Variants in SON observed in about 807,000 individuals in gnomAD.
The protein encoded by SON is SON DNA and RNA binding protein, also known as protein SON.
SON carries 4 observed loss-of-function variants against 173.3 expected under a neutral mutation model. That is an observed-to-expected ratio of 0.02 (90% CI 0.01 to 0.05). The LOEUF (loss-of-function observed/expected upper bound fraction) is 0.05, where lower values mean the gene tolerates loss of function less well. SON is among the 10% of genes least tolerant of loss of function. The pLI is 1.00. For synonymous variants in SON, 1,190 were observed against 1,105.9 expected (o/e 1.08, Z -1.51); for missense variants, 2,626 against 3,055.3 (o/e 0.86, Z 3.31).
intron 6 of SON, chr21:33,560,581 AATATAT>A (rs147980607): frequency 9.5e-6 from 8 of 837,894 alleles, no homozygotes; most frequent in Non-Finnish European, 1.1e-5. Context: ...TATATATGTA[AATATAT>A]ATATATATCT....
At position 33,572,061 on chromosome 21, in the gene SON, T is replaced by A. The variant is rs1417025397; in HGVS notation, c.6886-1247T>A. ...CAGTTTTACTACTGCATACAAACATTTCTTTTTTACATTCAGTATTAACTT... is the reference window on the plus strand; with the variant it reads ...CAGTTTTACTACTGCATACAAACATATCTTTTTTACATTCAGTATTAACTT... On this transcript the variant is annotated intron_variant, in intron 8 of 11. Coordinates refer to ENST00000356577, the MANE Select transcript of SON (RefSeq NM_138927.4). 2.0e-5 allele frequency among the ~76,000 whole-genome samples: 3 copies of A among 152,022 alleles called. No homozygotes were observed. In the East Asian group the frequency reaches 5.8e-4, roughly 29 times the overall value.
In SON at chr21:33,575,294, C is replaced by T. The variant is rs548477851; in HGVS notation, c.7034-302C>T. On this transcript the variant is annotated intron_variant, in intron 9 of 11. Transcript: ENST00000356577. ...CAGGAGATCCACCCGCCTCGGCCTC[C>T]CAAAGTGCTGGGATTACAGGCATGA... Among the ~76,000 whole-genome samples the T allele has an allele frequency of 4.7e-4, 71 of 152,240 alleles. 1 individual carries two copies. Among genetic ancestry groups the T allele is most frequent in the African/African-American group, 1.7e-3 (71 of 41,552 alleles).
chr21:33,557,741 T>C (rs1410739544), intron 4 of SON: 11 of 1,412,028 alleles, frequency 7.8e-6, no homozygotes, highest in Non-Finnish European at 8.3e-6. Context: ...AGCTTGGAAA[T>C]TAATAAGAAT....
intron 7 of SON, among the ~76,000 whole-genome samples, 166 bp from the exon 8 acceptor site, chr21:33,568,802 ATGT>A (rs1439504787): frequency 5.3e-5 from 8 of 152,378 alleles, no homozygotes; most frequent in South Asian, 2.1e-4. Flanking sequence ...GATTCACTAA[ATGT>A]TGTCAAACTG....
rs2085780854 is a variant in SON at position 33,551,400 on chromosome 21, C to A, written c.2169C>A (p.Thr723=). Residue 723 remains threonine (T), a synonymous_variant, in exon 3 of 12, where the codon ACC becomes ACA. Transcript: ENST00000356577. Reference sequence around the variant, plus strand: ...TATTAGCTTCTAACACCATGGAGACCCATATATTAGCATCCAACACCATGG... The same window carrying A: ...TATTAGCTTCTAACACCATGGAGACACATATATTAGCATCCAACACCATGG... ...SHILASNTME[T]HILASNTMDS... 6.2e-7 allele frequency: 1 copy of A among 1,613,972 alleles called. No homozygotes were observed. Among genetic ancestry groups the A allele is most frequent in the African/African-American group, 1.3e-5 (1 of 74,864 alleles).
chr21:33,556,276 T>A (rs145845366), intron 3 of SON, among the ~76,000 whole-genome samples: 1 of 152,312 alleles, frequency 6.6e-6, no homozygotes, highest in African/African-American at 2.4e-5. Flanking sequence ...GTAAAATGCA[T>A]ATATGTCTCT....
In SON at chr21:33,557,244, T is replaced by C; in HGVS notation, c.6249T>C (p.Pro2083=). 6.2e-7 allele frequency: 1 copy of C among 1,613,708 alleles called. No individual in the cohort carries two copies. The highest frequency in any genetic ancestry group is 1.1e-5 in the South Asian group (1 of 91,058). ...TCCCTTTACCACCAAACCTAAAGCC[T>C]GCACCTCCACCTACTATAGAAGAGA... is the stretch of plus-strand genomic sequence containing the variant. ...AGVPLPPNLK[P]APPPTIEEKV... Residue 2083 remains proline (P), a synonymous_variant, in exon 4 of 12, where the codon CCT becomes CCC. Transcript: ENST00000356577.
At chr21:33,567,807 G>A (rs2086203296) in intron 7 of SON, among the ~76,000 whole-genome samples, 1 of 152,152 alleles carries the variant, frequency 6.6e-6, no homozygotes, top group South Asian at 2.1e-4. Flanking sequence ...CAGCTACTCA[G>A]GAGGCTGAGG....
intron 6 of SON, among the ~76,000 whole-genome samples, chr21:33,563,814 T>G (rs2086114272): frequency 6.6e-6 from 1 of 152,216 alleles, no homozygotes; most frequent in African/African-American, 2.4e-5. Context: ...GTAATTTCAT[T>G]ATGCCTCAGA....
chr21:33,554,311 G>T lies in SON; in HGVS notation c.5080G>T (p.Ala1694Ser), dbSNP rs1266070318. 3 of 1,614,146 alleles carry T rather than the reference G, an allele frequency of 1.9e-6. No individual in the cohort carries two copies. The highest frequency in any genetic ancestry group is 1.1e-5 in the South Asian group (1 of 91,084). The part of the protein sequence containing the change: ...PVKESDQTLA[A>S]LLSPKESSGG... ...AAAAGAGAGTGACCAGACATTAGCA[G>T]CTCTGCTCAGCCCTAAAGAAAGTAG... Residue 1694 changes from alanine to serine, a missense_variant, in exon 3 of 12, where the codon GCT becomes TCT. Ala to Ser is a moderately conservative substitution (Grantham distance 99). Around this residue, in one of 13 missense-constraint regions of SON, gnomAD observed 1,006 missense variants for 895.6 expected, o/e 1.12. Coordinates refer to ENST00000356577, the MANE Select transcript of SON (RefSeq NM_138927.4).
At chr21:33,563,180 A>AT (rs1406845531) in intron 6 of SON, among the ~76,000 whole-genome samples, 1 of 152,116 alleles carries the variant, frequency 6.6e-6, no homozygotes, top group Non-Finnish European at 1.5e-5. Context: ...TCCTTCCTAG[A>AT]TTCTCTTATG....
chr21:33,572,666 T>G (rs778022834), intron 8 of SON: 70 of 1,090,230 alleles, frequency 6.4e-5, no homozygotes, highest in Non-Finnish European at 1.8e-5. Flanking sequence ...TAAAAGTCTT[T>G]TAACATCAAG....
chr21:33,557,838 G>A, intron 4 of SON: 2 of 539,806 alleles, frequency 3.7e-6, no homozygotes, highest in South Asian at 2.9e-5. Context: ...ATAATGGCCG[G>A]CCATTATCAG....
intron 1 of SON, among the ~76,000 whole-genome samples, chr21:33,545,403 A>T (rs142911969): frequency 1.2e-3 from 189 of 152,294 alleles, no homozygotes; most frequent in African/African-American, 4.4e-3. Context: ...AGCATAATTG[A>T]TGTGTTTTCA....
Position 33,550,447 on chromosome 21 carries a change from C to A in SON, c.1216C>A (p.Pro406Thr). The A allele has an allele frequency of 1.9e-6, 3 of 1,613,780 alleles. No individual in the cohort carries two copies. Among genetic ancestry groups the A allele is most frequent in the Non-Finnish European group, 8.5e-7 (1 of 1,179,902 alleles). Reference sequence around the variant, plus strand: ...CCCTGTGACTCCAGTGCTGGAGTTACCTGGGCCCTCTGCTACCCCGGTGCC... The same window carrying A: ...CCCTGTGACTCCAGTGCTGGAGTTAACTGGGCCCTCTGCTACCCCGGTGCC... The part of the protein sequence containing the change: ...GPPVTPVLEL[P>T]GPSATPVPEL... The change falls in exon 3 of 12, where the codon CCT becomes ACT. Residue 406 changes from proline (P) to threonine (T), a missense_variant. Physicochemically the swap from Pro to Thr is conservative, Grantham distance 38. This residue lies in a region of SON where 757 missense variants were observed against 730.1 expected (regional missense o/e 1.04). Coordinates refer to ENST00000356577, the MANE Select transcript of SON (RefSeq NM_138927.4).
At chr21:33,545,735 CTT>C (rs2085599200) in intron 1 of SON, among the ~76,000 whole-genome samples, 1 of 152,184 alleles carries the variant, frequency 6.6e-6, no homozygotes, top group Non-Finnish European at 1.5e-5. Context: ...ACAGGTTACC[CTT>C]TTTATTCAGT....
chr21:33,574,168 T>TG (rs1343017483), intron 9 of SON, among the ~76,000 whole-genome samples: 9 of 152,210 alleles, frequency 5.9e-5, no homozygotes, highest in Admixed American at 6.5e-5. Context: ...TGGAATAATG[T>TG]AAGTGGAATC....
At chr21:33,558,545 T>C (rs1380539965) in intron 4 of SON, 1 of 152,254 alleles carries the variant, frequency 6.6e-6, no homozygotes, top group African/African-American at 2.4e-5. Context: ...ATTAAGGACC[T>C]TGTAAACGCT....
chr21:33,564,381 G>A (rs746922447), intron 6 of SON, among the ~76,000 whole-genome samples: 9 of 152,116 alleles, frequency 5.9e-5, no homozygotes, highest in Admixed American at 1.3e-4. Context: ...ATACTGATAA[G>A]TAACATCGGG....
Sources: gnomAD v4.1 joint callset for allele counts (sites outside exome capture counted in the v4.1 genomes callset) on GRCh38, gnomAD v4.1.1 for gene constraint, gnomAD v4.1.1 regional missense constraint, MANE v1.5 for transcripts, NCBI Gene and HGNC (gene_info 2026-07-23, HGNC 2026-07-21) for gene names.